Variants in EGFL6 observed in about 807,000 individuals in gnomAD.
EGFL6 encodes EGF like domain multiple 6.
EGFL6 carries 42 observed loss-of-function variants against 43.1 expected under a neutral mutation model. The observed-to-expected ratio is 0.98, with a 90% CI of 0.76 to 1.26. The LOEUF (loss-of-function observed/expected upper bound fraction) is 1.26. EGFL6 is among the 50% of genes most tolerant of loss of function. EGFL6 has a pLI of 0.00. For missense variants in EGFL6, 429 were observed against 427.8 expected (o/e 1.00, Z -0.02); for synonymous variants, 164 against 163.2 (o/e 1.01, Z -0.04).
chrX:13,623,949 G>T, intron 10 of EGFL6, 24 bp downstream of exon 10: 1 of 1,101,599 alleles, frequency 9.1e-7, no homozygotes, highest in Non-Finnish European at 1.3e-6. Flanking sequence ...ACAGTTTCAT[G>T]TTCTGCAATA....
At chrX:13,571,855 CTG>C (rs1569200043) in intron 1 of EGFL6, among the ~76,000 whole-genome samples, 1 of 111,984 alleles carries the variant, frequency 8.9e-6, no homozygotes, top group African/African-American at 3.2e-5. Flanking sequence ...GGATAAGACA[CTG>C]TTACAGAGAA....
intron 11 of EGFL6, among the ~76,000 whole-genome samples, chrX:13,627,858 C>G (rs1248523305): frequency 8.9e-6 from 1 of 111,892 alleles, no homozygotes. Context: ...CAGTTTTTGT[C>G]TCCCAGTAGA....
At chrX:13,579,673 T>C (rs2045494522) in intron 1 of EGFL6, among the ~76,000 whole-genome samples, 1 of 111,594 alleles carries the variant, frequency 9.0e-6, no homozygotes, top group African/African-American at 3.3e-5. Flanking sequence ...AGTAGTTCTG[T>C]ATCTACTATT....
Position 13,626,512 on chromosome X carries a change from A to T in EGFL6, c.1286-499A>T, listed in dbSNP as rs370062740. Among the ~76,000 whole-genome samples the T allele has an allele frequency of 4.6e-4, 52 of 112,210 alleles. 1 individual carries two copies. The South Asian group carries it at 0.019, about 41-fold the overall frequency. ...AAATCAGAAATTGGAGTGATATGTTACACATGGTAGTTGAGCTCCATGAAA... is the reference window on the plus strand; with the variant it reads ...AAATCAGAAATTGGAGTGATATGTTTCACATGGTAGTTGAGCTCCATGAAA... On this transcript the variant is annotated intron_variant, in intron 10 of 11. Transcript: ENST00000361306.
At chrX:13,584,880 T>G (rs1012332261) in intron 1 of EGFL6, among the ~76,000 whole-genome samples, 4 of 111,824 alleles carry the variant, frequency 3.6e-5, no homozygotes, top group South Asian at 3.8e-4. Flanking sequence ...GGTCCCACTT[T>G]GATGCCATTC....
intron 6 of EGFL6, among the ~76,000 whole-genome samples, chrX:13,607,972 C>T (rs768649099): frequency 8.9e-6 from 1 of 112,492 alleles, no homozygotes; most frequent in Non-Finnish European, 1.9e-5. Flanking sequence ...TTAGGAGTTT[C>T]AAGACCTTCT....
intron 9 of EGFL6, 39 bp downstream of exon 9, chrX:13,619,282 T>C: frequency 1.8e-6 from 2 of 1,104,673 alleles, no homozygotes. Context: ...CTCTTTCATG[T>C]TGTCCTGGTC....
chrX:13,633,220 T>C lies in EGFL6; in HGVS notation c.*125T>C. 1 of 503,753 alleles carries C rather than the reference T, an allele frequency of 2.0e-6. No individual in the cohort carries two copies. Among genetic ancestry groups the C allele is most frequent in the Non-Finnish European group, 3.2e-6 (1 of 315,825 alleles). 41.5% of individuals were successfully genotyped at this position (503,753 alleles called of 1,213,427 possible). On this transcript the variant is annotated 3_prime_UTR_variant, in exon 12 of 12. Transcript: ENST00000361306. ...TTGTAATGTACCAACAGAAATATTA[T>C]TGTAAGATGCCTTTCTTGTATAAGA...
chrX:13,575,152 C>T (rs777927418), intron 1 of EGFL6: 15 of 115,191 alleles, frequency 1.3e-4, no homozygotes, highest in African/African-American at 1.6e-4. Context: ...ACAAACAGGC[C>T]GGGCATGGTG....
chrX:13,580,150 T>C (rs1375586715), intron 1 of EGFL6, among the ~76,000 whole-genome samples: 2 of 111,735 alleles, frequency 1.8e-5, no homozygotes, highest in Non-Finnish European at 3.8e-5. Context: ...CACATTCTGG[T>C]TTGCCTTCGC....
At chrX:13,587,992 T>C (rs753366397) in intron 1 of EGFL6, among the ~76,000 whole-genome samples, 1 of 112,211 alleles carries the variant, frequency 8.9e-6, no homozygotes, top group South Asian at 3.7e-4. Context: ...CAACTGTAGA[T>C]AAAGACCATT....
At chrX:13,596,272 C>G (rs1054432047) in intron 3 of EGFL6, 1 of 111,338 alleles carries the variant, frequency 9.0e-6, no homozygotes, top group Non-Finnish European at 1.9e-5. Context: ...ATCTGTCACC[C>G]CATTGCTCAC....
chrX:13,578,505 A>G (rs1325171483), intron 1 of EGFL6, among the ~76,000 whole-genome samples: 4 of 107,654 alleles, frequency 3.7e-5, no homozygotes, highest in Non-Finnish European at 5.8e-5. Context: ...CACTATTCAC[A>G]ATAGCAAAGA....
At position 13,608,407 on chromosome X, in the gene EGFL6, T is replaced by C. The variant is rs966111722; in HGVS notation, c.739T>C (p.Cys247Arg). Residue 247 changes from cysteine to arginine, a missense_variant, in exon 7 of 12, where the codon TGC becomes CGC. Coordinates refer to ENST00000361306, the MANE Select transcript of EGFL6 (RefSeq NM_015507.4). The part of the protein sequence containing the change: ...FNTQGSFKCK[C>R]KQGYKGNGLR... ...TACCCAAGGGTCCTTCAAGTGTAAA[T>C]GCAAGCAGGGATATAAAGGCAATGG... The C allele has an allele frequency of 9.1e-6, 11 of 1,209,692 alleles. No individual in the cohort carries two copies. Among genetic ancestry groups the C allele is most frequent in the Non-Finnish European group, 1.2e-5 (11 of 895,062 alleles).
intron 1 of EGFL6, among the ~76,000 whole-genome samples, chrX:13,577,680 GGATA>G (rs1332142802): frequency 1.8e-5 from 2 of 111,190 alleles, no homozygotes; most frequent in Non-Finnish European, 3.8e-5. Context: ...ATGAATGGAT[GGATA>G]GATACATACC....
chrX:13,623,211 G>C (rs2045757545), intron 9 of EGFL6, among the ~76,000 whole-genome samples: 1 of 108,313 alleles, frequency 9.2e-6, no homozygotes, highest in Admixed American at 9.9e-5. Flanking sequence ...AAAGAAAGTA[G>C]AAAGTTCCGG....
At chrX:13,575,413 A>G (rs926253475) in intron 1 of EGFL6, among the ~76,000 whole-genome samples, 1 of 111,761 alleles carries the variant, frequency 8.9e-6, no homozygotes, top group Non-Finnish European at 1.9e-5. Flanking sequence ...AAACAAGCCA[A>G]AAAGAGGAGA....
intron 4 of EGFL6, among the ~76,000 whole-genome samples, chrX:13,600,634 A>G (rs181739942): frequency 0.026 from 2,812 of 106,159 alleles, 91 homozygotes; most frequent in African/African-American, 0.09. Flanking sequence ...ACAGTGGCTC[A>G]CACCTGTAAT....
At chrX:13,623,022 CA>C (rs955373012) in intron 9 of EGFL6, among the ~76,000 whole-genome samples, 17 of 105,670 alleles carry the variant, frequency 1.6e-4, no homozygotes, top group African/African-American at 3.1e-4. Flanking sequence ...CCCATCTGTA[CA>C]AAAAAAAAAT....
Sources: gnomAD v4.1 joint callset for allele counts (sites outside exome capture counted in the v4.1 genomes callset) on GRCh38, gnomAD v4.1.1 for gene constraint, MANE v1.5 for transcripts, NCBI Gene and HGNC (gene_info 2026-07-23, HGNC 2026-07-21) for gene names.